The following RSBN1L variants were observed in gnomAD, a reference collection of about 807,000 sequenced individuals.
RSBN1L encodes the protein round spermatid basic protein 1 like, also known as lysine-specific demethylase RSBN1L.
A neutral mutation model predicts 67.7 loss-of-function variants in RSBN1L; 30 were observed. The ratio of observed to expected loss-of-function variants is 0.44; its 90% CI spans 0.33 to 0.60. The LOEUF (loss-of-function observed/expected upper bound fraction) is 0.60. RSBN1L is among the 20% of genes least tolerant of loss of function. The pLI, the probability that RSBN1L is intolerant of heterozygous loss-of-function variation, is 0.02. For synonymous variants in RSBN1L, 433 were observed against 387.0 expected, an observed-to-expected ratio of 1.12 and a Z score of -1.39; for missense variants, 992 against 1,031.7, an observed-to-expected ratio of 0.96 and a Z score of 0.53.
At chr7:77,777,559 C>A (rs1012847491) in intron 6 of RSBN1L, among the ~76,000 whole-genome samples, 4 of 152,106 alleles carry the variant, frequency 2.6e-5, no homozygotes, top group Non-Finnish European at 5.9e-5. Flanking sequence ...CCATTCTCTT[C>A]AGGCTTGCAT....
chr7:77,775,222 G>A (rs551002086), intron 6 of RSBN1L, among the ~76,000 whole-genome samples: 22 of 152,144 alleles, frequency 1.4e-4, no homozygotes, highest in Admixed American at 1.3e-3. Flanking sequence ...CCTTATTAGA[G>A]CAGTTTAATT....
At chr7:77,750,296 G>GTTTTTTTTTTTT (rs36054297) in intron 3 of RSBN1L, among the ~76,000 whole-genome samples, 8 of 57,458 alleles carry the variant, frequency 1.4e-4, no homozygotes, top group African/African-American at 5.5e-4. Context: ...AAGATTCTGT[G>GTTTTTTTTTTTT]TTTTTTTTTT....
intron 6 of RSBN1L, among the ~76,000 whole-genome samples, chr7:77,777,277 G>T (rs936175079): frequency 2.6e-5 from 4 of 151,932 alleles, no homozygotes; most frequent in Non-Finnish European, 5.9e-5. Flanking sequence ...TTTCTAAAGA[G>T]ATTTCTTTAA....
At chr7:77,706,278 A>G (rs552833540) in intron 1 of RSBN1L, among the ~76,000 whole-genome samples, 59 of 152,128 alleles carry the variant, frequency 3.9e-4, no homozygotes, top group Admixed American at 1.7e-3. Context: ...GGGTTTCACC[A>G]TGTTGTCCAG....
At chr7:77,748,909 GTCTGTCTC>G (rs1387792156) in intron 2 of RSBN1L, among the ~76,000 whole-genome samples, 53 of 152,218 alleles carry the variant, frequency 3.5e-4, no homozygotes, top group African/African-American at 1.2e-3. Flanking sequence ...CTGTCTGTCT[GTCTGTCTC>G]TCTCTTTCTC....
chr7:77,716,317 G>T (rs1279257577), intron 1 of RSBN1L, among the ~76,000 whole-genome samples: 1 of 151,684 alleles, frequency 6.6e-6, no homozygotes, highest in Admixed American at 6.6e-5. Context: ...TTTTTGTTTT[G>T]TTTTGTTTTT....
intron 2 of RSBN1L, among the ~76,000 whole-genome samples, chr7:77,742,896 C>T (rs1302680285): frequency 6.6e-6 from 1 of 152,142 alleles, no homozygotes; most frequent in Non-Finnish European, 1.5e-5. Context: ...AGTGAAGACT[C>T]TTACTTATGG....
chr7:77,721,288 T>C (rs1210779169), intron 1 of RSBN1L, among the ~76,000 whole-genome samples: 4 of 152,064 alleles, frequency 2.6e-5, no homozygotes, highest in Non-Finnish European at 2.9e-5. Flanking sequence ...TGCTTATCAA[T>C]AGTAATTTCC....
chr7:77,715,636 G>GT (rs1346662706), intron 1 of RSBN1L, among the ~76,000 whole-genome samples: 2 of 152,126 alleles, frequency 1.3e-5, no homozygotes, highest in African/African-American at 4.8e-5. Flanking sequence ...GCTGTTAAGT[G>GT]TAAGTGGCCT....
intron 1 of RSBN1L, among the ~76,000 whole-genome samples, chr7:77,701,861 C>T (rs911967960): frequency 6.6e-6 from 1 of 151,930 alleles, no homozygotes; most frequent in East Asian, 1.9e-4. Flanking sequence ...CCATGTTGGC[C>T]GGGATGGTCT....
intron 3 of RSBN1L, among the ~76,000 whole-genome samples, chr7:77,759,991 T>G (rs1453896806): frequency 6.6e-6 from 1 of 152,214 alleles, no homozygotes. Flanking sequence ...GCAGGTTGTT[T>G]CAAGTGAGTC....
chr7:77,740,053 G>C (rs1331190656), intron 2 of RSBN1L, among the ~76,000 whole-genome samples: 1 of 151,828 alleles, frequency 6.6e-6, no homozygotes, highest in Non-Finnish European at 1.5e-5. Context: ...CGTCCGGCCT[G>C]TCAAGTTTTT....
At chr7:77,753,020 T>C (rs1791573729) in intron 3 of RSBN1L, among the ~76,000 whole-genome samples, 1 of 152,232 alleles carries the variant, frequency 6.6e-6, no homozygotes, top group African/African-American at 2.4e-5. Flanking sequence ...ATACCAGTGT[T>C]AATATACCAC....
At chr7:77,722,444 A>G (rs1221697830) in intron 1 of RSBN1L, among the ~76,000 whole-genome samples, 1 of 152,010 alleles carries the variant, frequency 6.6e-6, no homozygotes, top group East Asian at 1.9e-4. Context: ...TTGAGAAGGA[A>G]TTGATACTGT....
chr7:77,704,409 TTA>T (rs1205710928), intron 1 of RSBN1L, among the ~76,000 whole-genome samples: 1 of 152,216 alleles, frequency 6.6e-6, no homozygotes, highest in Non-Finnish European at 1.5e-5. Flanking sequence ...ACATTAAACT[TTA>T]TGTTGTATGT....
chr7:77,749,421 C>T lies in RSBN1L; in HGVS notation c.704-3C>T. The T allele has an allele frequency of 6.5e-7, 1 of 1,531,798 alleles. No individual in the cohort carries two copies. Among genetic ancestry groups the T allele is most frequent in the Non-Finnish European group, 8.7e-7 (1 of 1,143,516 alleles). The allele number at this position is 1,531,798 out of a possible 1,614,324, so 94.9% of individuals were successfully genotyped here. A position where few individuals can be genotyped will look rare whatever the true frequency, so the allele number is the denominator to read the frequency against. On this transcript the variant is annotated splice_region_variant and splice_polypyrimidine_tract_variant and intron_variant, in intron 2 of 7. Transcript: ENST00000334955. ...GAGTTTCAAAAAACATTTTTTCCAACAGGTGGGAAGGAGAAACCAAAAACA... is the reference window on the plus strand; with the variant it reads ...GAGTTTCAAAAAACATTTTTTCCAATAGGTGGGAAGGAGAAACCAAAAACA...
chr7:77,757,536 T>G (rs1791635536), intron 3 of RSBN1L, among the ~76,000 whole-genome samples: 1 of 152,258 alleles, frequency 6.6e-6, no homozygotes, highest in South Asian at 2.1e-4. Context: ...TTTTGCTGTA[T>G]TAAATGTATA....
chr7:77,755,763 T>A (rs1249238806), intron 3 of RSBN1L, among the ~76,000 whole-genome samples: 1 of 152,232 alleles, frequency 6.6e-6, no homozygotes, highest in Non-Finnish European at 1.5e-5. Flanking sequence ...TGATGCCGCT[T>A]GACCTAACTA....
intron 3 of RSBN1L, among the ~76,000 whole-genome samples, chr7:77,753,728 C>G (rs1171476145): frequency 6.6e-6 from 1 of 152,156 alleles, no homozygotes; most frequent in Non-Finnish European, 1.5e-5. Context: ...CTTCTGGAAA[C>G]TTTTATTGTT....
Sources: gnomAD v4.1 joint callset for allele counts (sites outside exome capture counted in the v4.1 genomes callset) on GRCh38, gnomAD v4.1.1 for gene constraint, MANE v1.5 for transcripts, NCBI Gene and HGNC (gene_info 2026-07-23, HGNC 2026-07-21) for gene names.